UBR3: variants seen among roughly 807,000 people sequenced by gnomAD.
The protein encoded by UBR3 is ubiquitin protein ligase E3 component n-recognin 3.
UBR3 carries 85 observed loss-of-function variants against 243.2 expected under a neutral mutation model. The ratio of observed to expected loss-of-function variants is 0.35; its 90% CI spans 0.29 to 0.42. The LOEUF (loss-of-function observed/expected upper bound fraction) is 0.42. Ranked by LOEUF, UBR3 falls within the 10% of genes least tolerant of loss-of-function variation. UBR3 has a pLI of 1.00. For missense variants in UBR3, 1,686 were observed against 2,300.8 expected (o/e 0.73, Z 5.47); for synonymous variants, 748 against 799.8 (o/e 0.94, Z 1.09).
intron 26 of UBR3, among the ~76,000 whole-genome samples, chr2:169,996,997 C>A (rs887347463): frequency 6.6e-6 from 1 of 151,786 alleles, no homozygotes; most frequent in Non-Finnish European, 1.5e-5. Flanking sequence ...CCATGCCCGG[C>A]CTGCTTTGGA....
intron 24 of UBR3, among the ~76,000 whole-genome samples, chr2:169,975,716 G>T (rs2088403382): frequency 6.6e-6 from 1 of 152,156 alleles, no homozygotes; most frequent in South Asian, 2.1e-4. Context: ...AGGAGGCTGA[G>T]ATGGGAGGAT....
At chr2:170,020,898 T>A (rs2090372275) in intron 30 of UBR3, among the ~76,000 whole-genome samples, 1 of 152,206 alleles carries the variant, frequency 6.6e-6, no homozygotes, top group African/African-American at 2.4e-5. Context: ...ATCTTTGAGC[T>A]AAAAGTTACT....
chr2:169,878,596 T>A, intron 5 of UBR3, 22 bp downstream of exon 5: 1 of 1,544,888 alleles, frequency 6.5e-7, no homozygotes, highest in Non-Finnish European at 8.7e-7. Flanking sequence ...AGTTCAAAAC[T>A]TTTTAAAAAG....
chr2:169,949,954 A>T lies in UBR3; in HGVS notation c.3434A>T (p.Gln1145Leu). The part of the protein sequence containing the change: ...VERILLKAAS[Q>L]SRMNKRIIEE... Reference sequence around the variant, plus strand: ...AGAATTTTACTAAAAGCTGCATCGCAAAGTAGAATGAACAAACGCATCATT... The same window carrying T: ...AGAATTTTACTAAAAGCTGCATCGCTAAGTAGAATGAACAAACGCATCATT... Residue 1145 changes from glutamine (Q) to leucine (L), a missense_variant, in exon 23 of 39, where the codon CAA becomes CTA. Coordinates refer to ENST00000272793, the MANE Select transcript of UBR3 (RefSeq NM_172070.4). 6.2e-7 allele frequency: 1 copy of T among 1,613,888 alleles called. No homozygotes were observed. Among genetic ancestry groups the T allele is most frequent in the Middle Eastern group, 1.6e-4 (1 of 6,062 alleles).
chr2:170,024,557 A>T (rs1022415080), intron 30 of UBR3, among the ~76,000 whole-genome samples: 3 of 151,978 alleles, frequency 2.0e-5, no homozygotes, highest in African/African-American at 7.3e-5. Flanking sequence ...TGTGTGTGGT[A>T]TTCATACACA....
chr2:169,843,237 G>T (rs1365591575), intron 1 of UBR3, among the ~76,000 whole-genome samples: 4 of 152,216 alleles, frequency 2.6e-5, no homozygotes, highest in Non-Finnish European at 5.9e-5. Flanking sequence ...ATAAAGAACA[G>T]AAATTATTTC....
intron 38 of UBR3, among the ~76,000 whole-genome samples, chr2:170,081,525 T>C (rs28431956): frequency 6.7e-6 from 1 of 149,804 alleles, no homozygotes; most frequent in Non-Finnish European, 1.5e-5. Flanking sequence ...AAATAAAAAA[T>C]AAAAAAATAA....
chr2:169,914,034 T>A, intron 10 of UBR3, 26 bp from the exon 11 acceptor site: 1 of 1,128,012 alleles, frequency 8.9e-7, no homozygotes, highest in Non-Finnish European at 1.2e-6. Flanking sequence ...TATCATAAAT[T>A]TATTATATAT....
intron 24 of UBR3, among the ~76,000 whole-genome samples, chr2:169,977,195 T>G (rs1369367300): frequency 6.6e-6 from 1 of 152,222 alleles, no homozygotes; most frequent in East Asian, 1.9e-4. Context: ...ATTCGTCTTT[T>G]GAATTTTTTT....
At chr2:169,983,592 G>A (rs912533507) in intron 24 of UBR3, among the ~76,000 whole-genome samples, 10 of 151,922 alleles carry the variant, frequency 6.6e-5, no homozygotes, top group Non-Finnish European at 1.3e-4. Context: ...ACAAGTCAAG[G>A]CCAGCTGATA....
At chr2:170,071,122 G>A (rs534476637) in intron 35 of UBR3, among the ~76,000 whole-genome samples, 1 of 152,274 alleles carries the variant, frequency 6.6e-6, no homozygotes, top group East Asian at 1.9e-4. Context: ...ATTCATTACT[G>A]ATAGGAATGC....
intron 6 of UBR3, among the ~76,000 whole-genome samples, chr2:169,893,808 C>T (rs2084468924): frequency 6.6e-6 from 1 of 152,076 alleles, no homozygotes; most frequent in African/African-American, 2.4e-5. Flanking sequence ...GCCATGTGCC[C>T]ACCTCAGCCT....
chr2:169,911,086 T>A (rs10497359), intron 10 of UBR3, among the ~76,000 whole-genome samples: 17,293 of 152,206 alleles, frequency 0.11, 1,217 homozygotes, highest in Admixed American at 0.19. Context: ...GAATGCTATT[T>A]GATTCTTGAA....
chr2:169,970,235 G>GTTTTTTTTTT (rs531832498), intron 24 of UBR3, among the ~76,000 whole-genome samples: 3 of 85,576 alleles, frequency 3.5e-5, no homozygotes, highest in African/African-American at 4.8e-5. Context: ...TTGTTCCTAG[G>GTTTTTTTTTT]TTTTTTTTTT....
At chr2:169,961,839 T>G (rs2087587786) in intron 24 of UBR3, among the ~76,000 whole-genome samples, 1 of 151,800 alleles carries the variant, frequency 6.6e-6, no homozygotes, top group Non-Finnish European at 1.5e-5. Flanking sequence ...AGTCTGAAGA[T>G]TCATATCTCT....
chr2:169,979,397 A>T (rs924816378), intron 24 of UBR3, among the ~76,000 whole-genome samples: 1 of 152,216 alleles, frequency 6.6e-6, no homozygotes, highest in African/African-American at 2.4e-5. Flanking sequence ...GTGCTCTTAG[A>T]TATTTATTTA....
At chr2:169,907,747 C>T (rs556897770) in intron 10 of UBR3, among the ~76,000 whole-genome samples, 3 of 151,940 alleles carry the variant, frequency 2.0e-5, no homozygotes, top group Admixed American at 2.0e-4. Flanking sequence ...ACTTGTCTCT[C>T]ATAATTCGTT....
chr2:169,970,271 T>G (rs1304608076), intron 24 of UBR3, among the ~76,000 whole-genome samples: 1 of 150,424 alleles, frequency 6.6e-6, no homozygotes, highest in Non-Finnish European at 1.5e-5. Flanking sequence ...GTTGTGAGTT[T>G]TTTTCTTGAT....
chr2:169,906,935 T>C (rs886246136), intron 10 of UBR3, among the ~76,000 whole-genome samples: 3 of 152,164 alleles, frequency 2.0e-5, no homozygotes, highest in East Asian at 1.9e-4. Context: ...AGCGTATGTG[T>C]TTCTTTAAGT....
Sources: allele counts gnomAD v4.1 joint callset (sites outside exome capture counted in the v4.1 genomes callset), GRCh38; gene constraint gnomAD v4.1.1; transcripts MANE v1.5; gene names NCBI Gene and HGNC (gene_info 2026-07-23, HGNC 2026-07-21).